The following KDM5B variants were observed in gnomAD, a reference collection of about 807,000 sequenced individuals.
The protein encoded by KDM5B is lysine demethylase 5B.
KDM5B carries 144 observed loss-of-function variants against 193.4 expected under a neutral mutation model. The ratio of observed to expected loss-of-function variants is 0.74; its 90% CI spans 0.65 to 0.86. KDM5B has a LOEUF of 0.86. Among genes scored for constraint, KDM5B ranks in the 40% least tolerant of loss-of-function variants. The pLI is 0.00. For missense variants in KDM5B, 1,833 were observed against 1,886.9 expected (o/e 0.97, Z 0.53); for synonymous variants, 668 against 682.6 (o/e 0.98, Z 0.33).
At chr1:202,785,910 A>T (rs1298570808) in intron 1 of KDM5B, among the ~76,000 whole-genome samples, 3 of 85,974 alleles carry the variant, frequency 3.5e-5, no homozygotes, top group South Asian at 3.0e-4. Flanking sequence ...ACTCCCAATT[A>T]AAAAAAAAAA....
chr1:202,772,536 G>A (rs1044285550), intron 4 of KDM5B, among the ~76,000 whole-genome samples: 2 of 152,116 alleles, frequency 1.3e-5, no homozygotes, highest in Non-Finnish European at 2.9e-5. Flanking sequence ...AATTTAAAGA[G>A]AATGCAAAGT....
At chr1:202,785,121 A>T (rs1243937439) in intron 1 of KDM5B, among the ~76,000 whole-genome samples, 1 of 152,174 alleles carries the variant, frequency 6.6e-6, no homozygotes, top group East Asian at 1.9e-4. Context: ...AATTATAATT[A>T]TGTTAAGTTC....
intron 5 of KDM5B, among the ~76,000 whole-genome samples, chr1:202,766,226 C>T (rs774407316): frequency 5.3e-5 from 8 of 151,958 alleles, no homozygotes; most frequent in Non-Finnish European, 1.0e-4. Context: ...AAGGAAGAGG[C>T]TGGGTGAGAT....
chr1:202,748,485 A>G (rs1055378042), intron 14 of KDM5B, among the ~76,000 whole-genome samples: 19 of 150,822 alleles, frequency 1.3e-4, no homozygotes, highest in African/African-American at 4.3e-4. Context: ...CTGGGAGAAA[A>G]CATTAGCAAA....
At chr1:202,753,318 A>T (rs1354750540) in intron 11 of KDM5B, among the ~76,000 whole-genome samples, 1 of 152,126 alleles carries the variant, frequency 6.6e-6, no homozygotes, top group Non-Finnish European at 1.5e-5. Flanking sequence ...CAACATGGTG[A>T]AACCCCATCT....
rs1235327321 is a variant in KDM5B, at chr1:202,733,657, C to A, written c.3653G>T (p.Cys1218Phe). ...SISQGLRIWL[C>F]PHCRRSEKPP... ...TTTCTCTGACCTCCGACAATGGGGA[C>A]AAAGCCAGATTCGCAGGCCCTGTGA... is the stretch of plus-strand genomic sequence containing the variant. Residue 1218 changes from cysteine to phenylalanine, a missense_variant, in exon 23 of 27, where the codon TGT becomes TTT. Transcript: ENST00000367265. 1.9e-6 allele frequency: 3 copies of A among 1,614,082 alleles called. No homozygotes were observed. The highest frequency in any genetic ancestry group is 1.7e-5 in the Admixed American group (1 of 60,006).
In KDM5B at chr1:202,770,350, T is replaced by C. The variant is rs900934649; in HGVS notation, c.576+2768A>G. 6.6e-5 allele frequency among the ~76,000 whole-genome samples: 10 copies of C among 152,120 alleles called. 1 individual carries two copies. Among genetic ancestry groups the C allele is most frequent in the Admixed American group, 3.9e-4 (6 of 15,272 alleles). ...TGAGGCCTCTGTTCCACTGGAACAG[T>C]GCATCAACTTTTCTCAAGCTTCCTG... On this transcript the variant is annotated intron_variant, in intron 4 of 26. Coordinates refer to ENST00000367265, the MANE Select transcript of KDM5B (RefSeq NM_006618.5).
chr1:202,758,675 A>AAT (rs980909568), intron 8 of KDM5B, among the ~76,000 whole-genome samples, 165 bp from the exon 9 acceptor site: 2 of 152,256 alleles, frequency 1.3e-5, no homozygotes, highest in African/African-American at 4.8e-5. Context: ...TGGTTATTTT[A>AAT]ATAAGCAAGT....
chr1:202,757,096 TGG>T (rs35608917), intron 9 of KDM5B, among the ~76,000 whole-genome samples: 1 of 150,304 alleles, frequency 6.7e-6, no homozygotes, highest in African/African-American at 2.5e-5. Flanking sequence ...GGCTGGGAGG[TGG>T]GGGGGGGATT....
At chr1:202,740,549 C>T (rs1369087635) in intron 20 of KDM5B, 125 bp downstream of exon 20, 16 of 783,590 alleles carry the variant, frequency 2.0e-5, no homozygotes, top group Admixed American at 1.0e-4. Flanking sequence ...AGGCGCCCCT[C>T]ACCTCCCGGA....
intron 4 of KDM5B, among the ~76,000 whole-genome samples, chr1:202,769,457 G>A (rs1437872800): frequency 6.6e-6 from 1 of 151,268 alleles, no homozygotes; most frequent in Non-Finnish European, 1.5e-5. Context: ...ATCACTTGAG[G>A]TCAGGAGTTC....
intron 20 of KDM5B, among the ~76,000 whole-genome samples, chr1:202,737,362 C>T (rs1447717892): frequency 6.6e-6 from 1 of 152,204 alleles, no homozygotes; most frequent in African/African-American, 2.4e-5. Context: ...GCACTTCTAA[C>T]AAGTTCCCAG....
In KDM5B at chr1:202,764,895, T is replaced by G. The variant is rs547419840; in HGVS notation, c.712-750A>C. 1.5e-4 allele frequency among the ~76,000 whole-genome samples: 23 copies of G among 152,310 alleles called. 1 individual carries two copies. The South Asian group carries it at 4.4e-3, about 29-fold the overall frequency. ...AGGAGGCTGAGGCATGAGATTTGCTTGAACCCAGGAGGCAGAGGTTGCAGT... is the reference window on the plus strand; with the variant it reads ...AGGAGGCTGAGGCATGAGATTTGCTGGAACCCAGGAGGCAGAGGTTGCAGT... On this transcript the variant is annotated intron_variant, in intron 5 of 26. Transcript: ENST00000367265.
intron 20 of KDM5B, among the ~76,000 whole-genome samples, chr1:202,739,463 AT>A (rs1655219597): frequency 7.0e-6 from 1 of 142,688 alleles, no homozygotes; most frequent in Non-Finnish European, 1.5e-5. Context: ...TGCCTTTTTT[AT>A]TTTTATTTTT....
In KDM5B at chr1:202,736,092, C is replaced by T. The variant is rs934635349; in HGVS notation, c.3264+121G>A. The T allele has an allele frequency of 1.8e-5, 12 of 682,586 alleles. No individual in the cohort carries two copies. The South Asian group carries it at 2.4e-4, about 14-fold the overall frequency. 42.3% of individuals were successfully genotyped at this position (682,586 alleles called of 1,614,324 possible). Reference sequence around the variant, plus strand: ...AATTAGAAGAGTCTCCCTGGCTTTACGGGAAGAACAACTCACAGAATATAG... The same window carrying T: ...AATTAGAAGAGTCTCCCTGGCTTTATGGGAAGAACAACTCACAGAATATAG... On this transcript the variant is annotated intron_variant, in intron 21 of 26. Coordinates refer to ENST00000367265, the MANE Select transcript of KDM5B (RefSeq NM_006618.5).
At chr1:202,799,430 G>A (rs988190207) in intron 1 of KDM5B, among the ~76,000 whole-genome samples, 1 of 152,154 alleles carries the variant, frequency 6.6e-6, no homozygotes, top group Non-Finnish European at 1.5e-5. Flanking sequence ...GAGGTGGGCG[G>A]GTCACCTGAG....
At chr1:202,786,151 C>G (rs1657401466) in intron 1 of KDM5B, among the ~76,000 whole-genome samples, 1 of 132,102 alleles carries the variant, frequency 7.6e-6, no homozygotes, top group Non-Finnish European at 1.5e-5. Context: ...AGGTGCACAC[C>G]ACCATGACCA....
chr1:202,796,912 C>T (rs1657871864), intron 1 of KDM5B: 2 of 152,396 alleles, frequency 1.3e-5, no homozygotes, highest in African/African-American at 4.8e-5. Context: ...AAGTGACATC[C>T]CTGGATGCGG....
Position 202,733,530 on chromosome 1 carries a change from C to T in KDM5B, c.3780G>A (p.Val1260=). ...GTTGCTGGGCTCTGTGCTGCCAGTT[C>T]ACGGTTCTTTCAATCATATATCGAA... ...DALRYMIERT[V]NWQHRAQQLL... Residue 1260 remains valine (V), a synonymous_variant, in exon 23 of 27, where the codon GTG becomes GTA. Coordinates refer to ENST00000367265, the MANE Select transcript of KDM5B (RefSeq NM_006618.5). 2 of 1,614,136 alleles carry T rather than the reference C, an allele frequency of 1.2e-6. No homozygotes were observed. Among genetic ancestry groups the T allele is most frequent in the Non-Finnish European group, 1.7e-6 (2 of 1,180,014 alleles).
Sources: allele counts gnomAD v4.1 joint callset (sites outside exome capture counted in the v4.1 genomes callset), GRCh38; gene constraint gnomAD v4.1.1; transcripts MANE v1.5; gene names NCBI Gene and HGNC (gene_info 2026-07-23, HGNC 2026-07-21).